The following HS3ST5 variants were observed in gnomAD, a reference collection of about 807,000 sequenced individuals.
HS3ST5 encodes the protein heparan sulfate-glucosamine 3-sulfotransferase 5.
Under a neutral mutation model 25.4 loss-of-function variants are expected in HS3ST5, and 10 were observed. The observed-to-expected ratio is 0.39, with a 90% CI of 0.24 to 0.67. HS3ST5 has a LOEUF of 0.67. Among genes scored for constraint, HS3ST5 ranks in the 30% least tolerant of loss-of-function variants. The probability of loss-of-function intolerance (pLI) is 0.44; values close to 1 mark genes in which losing one functional copy is unlikely to be tolerated. For synonymous variants in HS3ST5, 170 were observed against 162.4 expected, an observed-to-expected ratio of 1.05 and a Z score of -0.36; for missense variants, 324 against 420.7, an observed-to-expected ratio of 0.77 and a Z score of 2.01.
At chr6:114,263,003 T>C (rs1773245297) in intron 1 of HS3ST5, among the ~76,000 whole-genome samples, 2 of 152,186 alleles carry the variant, frequency 1.3e-5, no homozygotes, top group South Asian at 4.1e-4. Context: ...AAATATATAA[T>C]GGCATTCAGT....
intron 2 of HS3ST5, among the ~76,000 whole-genome samples, chr6:114,205,927 C>T (rs1342362526): frequency 6.6e-6 from 1 of 152,142 alleles, no homozygotes; most frequent in Non-Finnish European, 1.5e-5. Context: ...AAACCCCCAA[C>T]CCTACGATTC....
chr6:114,337,539 C>A (rs1042391036), intron 1 of HS3ST5, among the ~76,000 whole-genome samples: 1 of 152,106 alleles, frequency 6.6e-6, no homozygotes, highest in Non-Finnish European at 1.5e-5. Context: ...CTTAAAGTTA[C>A]CTAATTTAAA....
At chr6:114,243,231 C>T (rs1772223052) in intron 1 of HS3ST5, among the ~76,000 whole-genome samples, 1 of 152,174 alleles carries the variant, frequency 6.6e-6, no homozygotes, top group Admixed American at 6.5e-5. Flanking sequence ...TAGATAAATG[C>T]ATATTATTGT....
chr6:114,341,134 C>T (rs1055758185), intron 1 of HS3ST5, among the ~76,000 whole-genome samples: 2 of 131,004 alleles, frequency 1.5e-5, no homozygotes, highest in African/African-American at 5.7e-5. Flanking sequence ...TATTCGTATT[C>T]GGAGACAGAG....
intron 2 of HS3ST5, among the ~76,000 whole-genome samples, chr6:114,173,371 TAACTC>T (rs1458398226): frequency 5.9e-5 from 9 of 152,198 alleles, no homozygotes; most frequent in Non-Finnish European, 8.8e-5. Flanking sequence ...AGTAATTACT[TAACTC>T]ATCAATAAAA....
At chr6:114,238,413 A>C (rs991187682) in intron 1 of HS3ST5, among the ~76,000 whole-genome samples, 1 of 152,236 alleles carries the variant, frequency 6.6e-6, no homozygotes, top group Non-Finnish European at 1.5e-5. Flanking sequence ...CTAGAGGATC[A>C]CTTTACCAGT....
intron 3 of HS3ST5, among the ~76,000 whole-genome samples, chr6:114,114,887 A>G (rs1776443308): frequency 6.6e-6 from 1 of 152,170 alleles, no homozygotes; most frequent in Admixed American, 6.6e-5. Context: ...ATGTGAACAC[A>G]AAGGTTATGT....
At chr6:114,317,303 T>G (rs1261311612) in intron 1 of HS3ST5, among the ~76,000 whole-genome samples, 5 of 152,176 alleles carry the variant, frequency 3.3e-5, no homozygotes, top group African/African-American at 1.2e-4. Flanking sequence ...CATTCTCATG[T>G]AGAAGTGCCC....
At chr6:114,204,709 GTTGTC>G (rs1387634986) in intron 2 of HS3ST5, among the ~76,000 whole-genome samples, 1 of 151,874 alleles carries the variant, frequency 6.6e-6, no homozygotes, top group Non-Finnish European at 1.5e-5. Flanking sequence ...TAATATTTGA[GTTGTC>G]TTGTCCACTT....
intron 3 of HS3ST5, among the ~76,000 whole-genome samples, chr6:114,077,003 G>A (rs776762901): frequency 1.6e-4 from 24 of 152,192 alleles, no homozygotes; most frequent in Admixed American, 5.9e-4. Flanking sequence ...GAACTGCAGG[G>A]TGGAATACTG....
intron 3 of HS3ST5, among the ~76,000 whole-genome samples, chr6:114,124,166 G>A (rs1776924893): frequency 6.6e-6 from 1 of 152,136 alleles, no homozygotes; most frequent in Non-Finnish European, 1.5e-5. Context: ...AGCTCTTGCT[G>A]TGACTGACAA....
chr6:114,199,534 T>A (rs1270516393), intron 2 of HS3ST5, among the ~76,000 whole-genome samples: 1 of 152,120 alleles, frequency 6.6e-6, no homozygotes, highest in Non-Finnish European at 1.5e-5. Flanking sequence ...AGTAAAAAAA[T>A]GTTTATCTTA....
chr6:114,169,751 C>T (rs1376029772), intron 2 of HS3ST5, among the ~76,000 whole-genome samples: 3 of 152,070 alleles, frequency 2.0e-5, no homozygotes, highest in Non-Finnish European at 4.4e-5. Context: ...AAATGCTAAA[C>T]TCAAGAGGGC....
intron 1 of HS3ST5, among the ~76,000 whole-genome samples, chr6:114,304,363 A>G (rs1321639774): frequency 6.6e-6 from 1 of 152,156 alleles, no homozygotes; most frequent in African/African-American, 2.4e-5. Context: ...AAGGGCTACC[A>G]CAGAAATAAA....
intron 3 of HS3ST5, among the ~76,000 whole-genome samples, chr6:114,119,999 C>T (rs1776707655): frequency 6.6e-6 from 1 of 151,972 alleles, no homozygotes; most frequent in Admixed American, 6.5e-5. Context: ...ACAAAAATTA[C>T]CCAGGTGTGG....
chr6:114,312,752 G>A (rs182593367), intron 1 of HS3ST5, among the ~76,000 whole-genome samples: 48 of 151,802 alleles, frequency 3.2e-4, no homozygotes, highest in African/African-American at 1.1e-3. Context: ...ATACTCAGCC[G>A]GCCGTGGTGG....
chr6:114,079,332 T>C (rs1774321533), intron 3 of HS3ST5, among the ~76,000 whole-genome samples: 2 of 152,212 alleles, frequency 1.3e-5, no homozygotes, highest in Non-Finnish European at 2.9e-5. Context: ...ATCAATGAAG[T>C]TTATGTAATA....
intron 3 of HS3ST5, among the ~76,000 whole-genome samples, chr6:114,096,590 G>A (rs1395897763): frequency 1.3e-5 from 2 of 152,048 alleles, no homozygotes; most frequent in African/African-American, 2.4e-5. Context: ...TGCCATAAAC[G>A]TGCACAATTT....
chr6:114,294,309 G>T (rs1010592932), intron 1 of HS3ST5, among the ~76,000 whole-genome samples: 1 of 152,200 alleles, frequency 6.6e-6, no homozygotes, highest in Non-Finnish European at 1.5e-5. Context: ...AGGTATTCAG[G>T]CAGAGCCTGG....
Sources: gnomAD v4.1 joint callset for allele counts (sites outside exome capture counted in the v4.1 genomes callset) on GRCh38, gnomAD v4.1.1 for gene constraint, MANE v1.5 for transcripts, NCBI Gene and HGNC (gene_info 2026-07-23, HGNC 2026-07-21) for gene names.